Variants in HS3ST5 observed in about 807,000 individuals in gnomAD.
HS3ST5 encodes heparan sulfate glucosamine 3-O-sulfotransferase 5.
Under a neutral mutation model 25.4 loss-of-function variants are expected in HS3ST5, and 10 were observed. That is an observed-to-expected ratio of 0.39 (90% CI 0.24 to 0.67). HS3ST5 has a LOEUF of 0.67. Ranked by LOEUF, HS3ST5 falls within the 30% of genes least tolerant of loss-of-function variation. The pLI, the probability that HS3ST5 is intolerant of heterozygous loss-of-function variation, is 0.44. For synonymous variants in HS3ST5, 170 were observed against 162.4 expected (o/e 1.05, Z -0.36); for missense variants, 324 against 420.7 (o/e 0.77, Z 2.01).
chr6:114,206,733 CAT>C (rs1183102753), intron 2 of HS3ST5, among the ~76,000 whole-genome samples: 1 of 152,106 alleles, frequency 6.6e-6, no homozygotes. Flanking sequence ...TGTTACTAAA[CAT>C]ACAGTATTTA....
chr6:114,116,530 C>A (rs1776536011), intron 3 of HS3ST5, among the ~76,000 whole-genome samples: 1 of 152,114 alleles, frequency 6.6e-6, no homozygotes, highest in African/African-American at 2.4e-5. Context: ...AATCCATTTA[C>A]CCCACAGACC....
intron 4 of HS3ST5, chr6:114,058,897 T>C (rs1308469855): frequency 6.6e-6 from 1 of 152,180 alleles, no homozygotes; most frequent in Non-Finnish European, 1.5e-5. Context: ...CCAATTGCCA[T>C]CAGCAAGTGC....
chr6:114,234,712 T>C (rs1299486115), intron 1 of HS3ST5, among the ~76,000 whole-genome samples: 2 of 152,246 alleles, frequency 1.3e-5, no homozygotes, highest in Non-Finnish European at 2.9e-5. Flanking sequence ...CAAATTTTCA[T>C]GTGTAGGATA....
Position 114,056,999 on chromosome 6 carries a change from C to A in HS3ST5, c.*258G>T, listed in dbSNP as rs1772803476. On this transcript the variant is annotated 3_prime_UTR_variant, in exon 5 of 5. Coordinates refer to ENST00000312719, the MANE Select transcript of HS3ST5 (RefSeq NM_153612.4). ...CTAACTCTTTGAGAATAGCTGAAGT[C>A]ACTTTCCCCCAATACCACCACCTCT... 1 of 362,716 alleles carries A rather than the reference C, an allele frequency of 2.8e-6. No individual in the cohort carries two copies. The highest frequency in any genetic ancestry group is 9.0e-5 in the South Asian group (1 of 11,166). 22.5% of individuals were successfully genotyped at this position (362,716 alleles called of 1,614,324 possible).
At chr6:114,066,136 T>G (rs1463702077) in intron 3 of HS3ST5, among the ~76,000 whole-genome samples, 1 of 152,232 alleles carries the variant, frequency 6.6e-6, no homozygotes, top group Non-Finnish European at 1.5e-5. Context: ...AGCTGCTTCT[T>G]TGGTGTGTAT....
chr6:114,147,158 T>G (rs1052294267), intron 3 of HS3ST5, among the ~76,000 whole-genome samples: 1 of 152,238 alleles, frequency 6.6e-6, no homozygotes, highest in Non-Finnish European at 1.5e-5. Context: ...AAAAGAGCTA[T>G]CTCAGCTCTT....
chr6:114,265,479 C>G (rs1043913149), intron 1 of HS3ST5, among the ~76,000 whole-genome samples: 5 of 152,074 alleles, frequency 3.3e-5, no homozygotes, highest in African/African-American at 1.2e-4. Context: ...AACGTAGTGG[C>G]TGGAGGGAGA....
chr6:114,201,659 T>C (rs992961431), intron 2 of HS3ST5, among the ~76,000 whole-genome samples: 4 of 152,180 alleles, frequency 2.6e-5, no homozygotes, highest in Admixed American at 2.0e-4. Context: ...GAGGCTGTAT[T>C]GGTCCGTTCT....
At chr6:114,087,619 T>C (rs951049537) in intron 3 of HS3ST5, among the ~76,000 whole-genome samples, 1 of 152,240 alleles carries the variant, frequency 6.6e-6, no homozygotes, top group Non-Finnish European at 1.5e-5. Context: ...AATAATCAGG[T>C]GCAAAAAAGA....
At chr6:114,135,511 G>T (rs1286487591) in intron 3 of HS3ST5, among the ~76,000 whole-genome samples, 1 of 152,246 alleles carries the variant, frequency 6.6e-6, no homozygotes, top group South Asian at 2.1e-4. Context: ...ACCGGAGCTG[G>T]AACAGACAGG....
chr6:114,238,586 G>C (rs2114572134), intron 1 of HS3ST5, among the ~76,000 whole-genome samples: 1 of 152,208 alleles, frequency 6.6e-6, no homozygotes, highest in Non-Finnish European at 1.5e-5. Context: ...CACCTGAATA[G>C]TAAACATTGT....
chr6:114,102,498 C>T (rs1401652275), intron 3 of HS3ST5, among the ~76,000 whole-genome samples: 1 of 152,090 alleles, frequency 6.6e-6, no homozygotes, highest in African/African-American at 2.4e-5. Context: ...GCCTTAGATG[C>T]CCAGGGAGAA....
At chr6:114,273,356 A>T (rs959327201) in intron 1 of HS3ST5, among the ~76,000 whole-genome samples, 2 of 152,058 alleles carry the variant, frequency 1.3e-5, no homozygotes, top group Admixed American at 1.3e-4. Flanking sequence ...TTTGTTTTGG[A>T]TCTTTAAATT....
chr6:114,080,072 C>T (rs1281341382), intron 3 of HS3ST5, among the ~76,000 whole-genome samples: 9 of 152,152 alleles, frequency 5.9e-5, no homozygotes, highest in East Asian at 3.9e-4. Flanking sequence ...CCACCACGCT[C>T]GGCCTGCAAT....
rs146771700 is a variant in HS3ST5 at position 114,183,427 on chromosome 6, A to G, written c.-144-14965T>C. The stretch of plus-strand genomic sequence containing the variant: ...TGTGAGGCCTCTCCAGCCATGTGGA[A>G]CTAGGAATCTATTAAACCTCTTTCT... On this transcript the variant is annotated intron_variant, in intron 2 of 4. Coordinates refer to ENST00000312719, the MANE Select transcript of HS3ST5 (RefSeq NM_153612.4). Among the ~76,000 whole-genome samples the G allele has an allele frequency of 4.6e-3, 695 of 152,296 alleles. 10 individuals carry two copies. Among genetic ancestry groups the G allele is most frequent in the Non-Finnish European group, 2.2e-3 (153 of 68,022 alleles).
At chr6:114,068,798 C>G (rs934675348) in intron 3 of HS3ST5, among the ~76,000 whole-genome samples, 2 of 151,992 alleles carry the variant, frequency 1.3e-5, no homozygotes, top group African/African-American at 4.8e-5. Context: ...CATTTAAGCT[C>G]CCCCCATCCA....
intron 2 of HS3ST5, among the ~76,000 whole-genome samples, chr6:114,209,110 G>A (rs1781401489): frequency 6.6e-6 from 1 of 152,022 alleles, no homozygotes; most frequent in Non-Finnish European, 1.5e-5. Flanking sequence ...GGGCTGTACA[G>A]GTTTTCAGAA....
chr6:114,102,968 G>T (rs549902604), intron 3 of HS3ST5, among the ~76,000 whole-genome samples: 2 of 151,814 alleles, frequency 1.3e-5, no homozygotes, highest in Non-Finnish European at 2.9e-5. Context: ...TTGAAAAAGA[G>T]AATTTTCAAA....
intron 1 of HS3ST5, among the ~76,000 whole-genome samples, chr6:114,286,859 G>T (rs189300527): frequency 2.6e-5 from 4 of 151,754 alleles, no homozygotes; most frequent in South Asian, 2.1e-4. Flanking sequence ...AAAACAACTC[G>T]CATTTTTGTC....
Sources: allele counts gnomAD v4.1 joint callset (sites outside exome capture counted in the v4.1 genomes callset), GRCh38; gene constraint gnomAD v4.1.1; transcripts MANE v1.5; gene names NCBI Gene and HGNC (gene_info 2026-07-23, HGNC 2026-07-21).